SCHIP1: variants seen among roughly 807,000 people sequenced by gnomAD.
The protein encoded by SCHIP1 is schwannomin interacting protein 1.
Under a neutral mutation model 29.7 loss-of-function variants are expected in SCHIP1, and 8 were observed. The observed-to-expected ratio is 0.27, with a 90% CI of 0.16 to 0.49. The LOEUF (loss-of-function observed/expected upper bound fraction) is 0.49, where lower values mean the gene tolerates loss of function less well. Among genes scored for constraint, SCHIP1 ranks in the 20% least tolerant of loss-of-function variants. The probability of loss-of-function intolerance (pLI) is 0.99; values close to 1 mark genes in which losing one functional copy is unlikely to be tolerated. For missense variants in SCHIP1, 193 were observed against 294.6 expected, an observed-to-expected ratio of 0.66 and a Z score of 2.52; for synonymous variants, 76 against 94.9, an observed-to-expected ratio of 0.80 and a Z score of 1.16.
chr3:159,341,086 T>C, the SCHIP1 span, among the ~76,000 whole-genome samples: 1 of 152,156 alleles, frequency 6.6e-6, no homozygotes, highest in South Asian at 2.1e-4. Flanking sequence ...GTGGGTGATA[T>C]CTGCCTGCTT....
At chr3:159,893,799 A>T (rs890178622) in intron 6 of SCHIP1, 1 of 152,044 alleles carries the variant, frequency 6.6e-6, no homozygotes, top group African/African-American at 2.4e-5. Context: ...CAGTCCTACC[A>T]TGGGCCCCAG....
chr3:159,871,078 T>C (rs1228302072), intron 2 of SCHIP1, among the ~76,000 whole-genome samples: 1 of 152,158 alleles, frequency 6.6e-6, no homozygotes, highest in Non-Finnish European at 1.5e-5. Flanking sequence ...CATGATGTTT[T>C]CTCATTTCTC....
the SCHIP1 span, among the ~76,000 whole-genome samples, chr3:159,320,651 G>A: frequency 0.012 from 1,839 of 151,902 alleles, 20 homozygotes; most frequent in South Asian, 0.037. Context: ...ACCTTGGCTG[G>A]TTAAATCCTG....
At chr3:159,784,800 C>A in the SCHIP1 span, among the ~76,000 whole-genome samples, 82 of 152,130 alleles carry the variant, frequency 5.4e-4, no homozygotes, top group African/African-American at 1.7e-3. Flanking sequence ...ACTACAGACG[C>A]GTGCCACCAT....
chr3:159,487,588 G>T, the SCHIP1 span, among the ~76,000 whole-genome samples: 1 of 152,158 alleles, frequency 6.6e-6, no homozygotes, highest in African/African-American at 2.4e-5. Flanking sequence ...CAGGCCTGAG[G>T]TGTTGCTGTG....
At chr3:159,451,098 C>A in the SCHIP1 span, among the ~76,000 whole-genome samples, 1 of 152,152 alleles carries the variant, frequency 6.6e-6, no homozygotes, top group African/African-American at 2.4e-5. Context: ...TGAGCCACTG[C>A]GCCCGGCCCA....
chr3:159,419,841 G>A, the SCHIP1 span, among the ~76,000 whole-genome samples: 1 of 152,136 alleles, frequency 6.6e-6, no homozygotes, highest in Admixed American at 6.5e-5. Context: ...TCTTATAATT[G>A]TGGACAGCCA....
intron 2 of SCHIP1, among the ~76,000 whole-genome samples, chr3:159,867,692 T>G (rs1714762832): frequency 1.3e-5 from 2 of 152,258 alleles, no homozygotes; most frequent in South Asian, 4.1e-4. Flanking sequence ...CCCAGTCAGA[T>G]GTGGCAGAAG....
the SCHIP1 span, among the ~76,000 whole-genome samples, chr3:159,818,689 G>A: frequency 2.0e-5 from 3 of 152,262 alleles, no homozygotes; most frequent in Admixed American, 2.0e-4. Flanking sequence ...CATACTGCAA[G>A]CAGCACTTGC....
chr3:159,587,736 T>C, the SCHIP1 span, among the ~76,000 whole-genome samples: 5 of 152,158 alleles, frequency 3.3e-5, no homozygotes, highest in Admixed American at 2.6e-4. Flanking sequence ...TTTTTGTCCC[T>C]GTGTTAGTTG....
intron 1 of SCHIP1, among the ~76,000 whole-genome samples, chr3:159,844,835 C>T (rs745994824): frequency 2.0e-5 from 3 of 152,112 alleles, no homozygotes; most frequent in African/African-American, 7.2e-5. Flanking sequence ...CCCTTATGAC[C>T]GCCCCAGATA....
upstream of SCHIP1, among the ~76,000 whole-genome samples, chr3:159,838,978 A>G (rs1321447776): frequency 6.6e-6 from 1 of 151,980 alleles, no homozygotes; most frequent in African/African-American, 2.4e-5. Context: ...TATAAATAAG[A>G]AAATTTTATT....
At chr3:159,674,687 G>A in the SCHIP1 span, among the ~76,000 whole-genome samples, 6 of 151,354 alleles carry the variant, frequency 4.0e-5, no homozygotes, top group African/African-American at 1.2e-4. Flanking sequence ...AGGGAGGCAA[G>A]GTGTATATAA....
At chr3:159,411,196 A>G in the SCHIP1 span, among the ~76,000 whole-genome samples, 6 of 152,140 alleles carry the variant, frequency 3.9e-5, no homozygotes, top group Admixed American at 3.9e-4. Flanking sequence ...GCTAGAATAA[A>G]TAAGATCTAG....
chr3:159,342,761 A>G, the SCHIP1 span, among the ~76,000 whole-genome samples: 1 of 152,226 alleles, frequency 6.6e-6, no homozygotes, highest in Non-Finnish European at 1.5e-5. Context: ...CATGGTGCCA[A>G]ATGACTAGAC....
At chr3:159,658,815 T>C in the SCHIP1 span, among the ~76,000 whole-genome samples, 1 of 152,216 alleles carries the variant, frequency 6.6e-6, no homozygotes, top group Non-Finnish European at 1.5e-5. Flanking sequence ...GAATCTCTAA[T>C]ATTTCCCCCT....
the SCHIP1 span, among the ~76,000 whole-genome samples, chr3:159,383,220 C>T: frequency 6.6e-6 from 1 of 151,234 alleles, no homozygotes; most frequent in Non-Finnish European, 1.5e-5. Context: ...AGGTTTTCTT[C>T]TAGGGTTTTT....
the SCHIP1 span, among the ~76,000 whole-genome samples, chr3:159,687,088 A>G: frequency 6.6e-6 from 1 of 152,166 alleles, no homozygotes; most frequent in East Asian, 1.9e-4. Context: ...CTGTACTTCT[A>G]GAAAACATAG....
At chr3:159,494,015 A>C in the SCHIP1 span, among the ~76,000 whole-genome samples, 94 of 152,222 alleles carry the variant, frequency 6.2e-4, no homozygotes, top group African/African-American at 8.9e-4. Context: ...GGGTACATAA[A>C]AAAATGAAGG....
Sources: allele counts gnomAD v4.1 joint callset (sites outside exome capture counted in the v4.1 genomes callset), GRCh38; gene constraint gnomAD v4.1.1; transcripts MANE v1.5; gene names NCBI Gene and HGNC (gene_info 2026-07-23, HGNC 2026-07-21).